GYPC: variants seen among roughly 807,000 people sequenced by gnomAD.
GYPC encodes the protein glycophorin C (Gerbich blood group).
GYPC carries 14 observed loss-of-function variants against 12.6 expected under a neutral mutation model. That is an observed-to-expected ratio of 1.11 (90% CI 0.74 to 1.74). The LOEUF (loss-of-function observed/expected upper bound fraction) is 1.74, where lower values mean the gene tolerates loss of function less well. Ranked by LOEUF, GYPC falls within the 40% of genes most tolerant of loss-of-function variation. The probability of loss-of-function intolerance (pLI) is 0.00; values close to 1 mark genes in which losing one functional copy is unlikely to be tolerated. For missense variants in GYPC, 225 were observed against 172.1 expected (o/e 1.31, Z -1.72); for synonymous variants, 78 against 62.1 (o/e 1.26, Z -1.20).
rs1416401119 is a variant in GYPC, at chr2:126,695,940, C to T, written c.191-6C>T. 6.2e-7 allele frequency: 1 copy of T among 1,613,212 alleles called. No individual in the cohort carries two copies. The highest frequency in any genetic ancestry group is 8.5e-7 in the Non-Finnish European group (1 of 1,179,300). ...GACTGACCCTTGCACCTCTTCCCAC[C>T]TGCAGGTGTGATTGCTGCTGTGGCC... On this transcript the variant is annotated splice_polypyrimidine_tract_variant and splice_region_variant and intron_variant, in intron 3 of 3. Transcript: ENST00000259254.
chr2:126,683,093 G>A (rs1264284557), intron 1 of GYPC, among the ~76,000 whole-genome samples: 5 of 152,180 alleles, frequency 3.3e-5, no homozygotes, highest in Admixed American at 6.5e-5. Flanking sequence ...CAAGGCGGGC[G>A]GATCATGTGA....
intron 3 of GYPC, 30 bp downstream of exon 3, chr2:126,693,977 A>C (rs1457418048): frequency 4.8e-6 from 7 of 1,452,832 alleles, no homozygotes; most frequent in Non-Finnish European, 5.8e-6. Flanking sequence ...CCCTTCAAGC[A>C]GCCAGGGTGG....
chr2:126,663,020 G>T (rs1057108399), intron 1 of GYPC, among the ~76,000 whole-genome samples: 19 of 152,114 alleles, frequency 1.2e-4, no homozygotes, highest in Non-Finnish European at 2.2e-4. Flanking sequence ...TCCCGATGCT[G>T]CTCCTTCATG....
chr2:126,660,249 C>T (rs747294243), intron 1 of GYPC, among the ~76,000 whole-genome samples: 41 of 152,366 alleles, frequency 2.7e-4, no homozygotes, highest in Middle Eastern at 3.4e-3. Context: ...TGTCCCACCC[C>T]AGTCCACCGT....
chr2:126,672,906 G>T (rs1175134499), intron 1 of GYPC, among the ~76,000 whole-genome samples: 2 of 152,132 alleles, frequency 1.3e-5, no homozygotes, highest in Non-Finnish European at 2.9e-5. Context: ...CAGAGAGGCA[G>T]AGAGAACAGC....
At chr2:126,688,245 C>T (rs569124540) in intron 1 of GYPC, among the ~76,000 whole-genome samples, 22 of 152,318 alleles carry the variant, frequency 1.4e-4, no homozygotes, top group African/African-American at 5.1e-4. Flanking sequence ...CTGGTCTTTA[C>T]CTGGAAAATT....
chr2:126,693,990 G>A lies in GYPC; in HGVS notation c.190+43G>A, dbSNP rs373452825. The A allele has an allele frequency of 1.6e-4, 213 of 1,347,030 alleles. 1 individual carries two copies. The highest frequency in any genetic ancestry group is 7.4e-4 in the Admixed American group (44 of 59,620). 83.4% of individuals were successfully genotyped at this position (1,347,030 alleles called of 1,614,324 possible). ...AGCCCTTCAAGCAGCCAGGGTGGGG[G>A]GCCTTGGTGAAAACATCCAGGGGAG... On this transcript the variant is annotated intron_variant, in intron 3 of 3. Transcript: ENST00000259254.
chr2:126,671,369 A>C (rs575073071), intron 1 of GYPC, among the ~76,000 whole-genome samples: 1 of 152,358 alleles, frequency 6.6e-6, no homozygotes, highest in South Asian at 2.1e-4. Flanking sequence ...TGAGCCCGAC[A>C]GCCAGGGACA....
At chr2:126,659,780 C>CTTTTTTTTT (rs1203132482) in intron 1 of GYPC, among the ~76,000 whole-genome samples, 1 of 137,898 alleles carries the variant, frequency 7.3e-6, no homozygotes, top group African/African-American at 2.7e-5. Context: ...TCTTTCTTTT[C>CTTTTTTTTT]TTTTTTTTTT....
intron 1 of GYPC, among the ~76,000 whole-genome samples, chr2:126,677,179 G>C (rs535878107): frequency 6.6e-6 from 1 of 152,032 alleles, no homozygotes; most frequent in Admixed American, 6.5e-5. Flanking sequence ...AGTGTGAGAG[G>C]AATGTGCATG....
intron 1 of GYPC, among the ~76,000 whole-genome samples, chr2:126,684,658 T>C (rs999304736): frequency 6.6e-5 from 10 of 152,214 alleles, no homozygotes; most frequent in African/African-American, 2.4e-4. Context: ...GTGCTCCTGA[T>C]GGCAGGGACT....
intron 1 of GYPC, among the ~76,000 whole-genome samples, chr2:126,664,463 A>G (rs1682626306): frequency 6.6e-6 from 1 of 152,180 alleles, no homozygotes; most frequent in Non-Finnish European, 1.5e-5. Context: ...CTACATTGAA[A>G]GCTCAGCCAG....
At position 126,687,682 on chromosome 2, in the gene GYPC, G is replaced by C. The variant is rs1683329876; in HGVS notation, c.50-2573G>C. On this transcript the variant is annotated intron_variant, in intron 1 of 3. Coordinates refer to ENST00000259254, the MANE Select transcript of GYPC (RefSeq NM_002101.5). Reference sequence around the variant, plus strand: ...ACTTTCCTGCCCACCACGCTCCTCAGAGGGCATGAGCTTGGAGGGAGCCCA... The same window carrying C: ...ACTTTCCTGCCCACCACGCTCCTCACAGGGCATGAGCTTGGAGGGAGCCCA... 2.6e-5 allele frequency among the ~76,000 whole-genome samples: 4 copies of C among 152,244 alleles called. No individual in the cohort carries two copies. The South Asian group carries it at 8.3e-4, about 31-fold the overall frequency.
chr2:126,662,804 T>C (rs894531547), intron 1 of GYPC, among the ~76,000 whole-genome samples: 8 of 152,204 alleles, frequency 5.3e-5, no homozygotes, highest in Non-Finnish European at 1.0e-4. Flanking sequence ...GTGCCTGGTA[T>C]GTGCTCATAA....
At chr2:126,657,206 C>T (rs1196734311) in intron 1 of GYPC, among the ~76,000 whole-genome samples, 1 of 152,208 alleles carries the variant, frequency 6.6e-6, no homozygotes, top group Non-Finnish European at 1.5e-5. Context: ...CCCCTCACCC[C>T]GCCTGAGCTT....
At chr2:126,686,839 C>T (rs1021472034) in intron 1 of GYPC, among the ~76,000 whole-genome samples, 4 of 152,028 alleles carry the variant, frequency 2.6e-5, no homozygotes, top group Non-Finnish European at 4.4e-5. Flanking sequence ...CATGAACCCA[C>T]CCCCAAGGCT....
intron 1 of GYPC, among the ~76,000 whole-genome samples, chr2:126,677,492 A>AGTGTGT (rs70985425): frequency 1.3e-4 from 19 of 148,926 alleles, no homozygotes; most frequent in Admixed American, 3.3e-4. Context: ...TGTGAGTCTG[A>AGTGTGT]GTGTGTGTAT....
intron 1 of GYPC, among the ~76,000 whole-genome samples, chr2:126,663,162 C>G (rs968881488): frequency 1.6e-4 from 24 of 152,308 alleles, no homozygotes; most frequent in South Asian, 2.1e-4. Context: ...CTCAGCCTCC[C>G]GAGTTGCTGG....
chr2:126,663,297 A>C (rs1029982427), intron 1 of GYPC, among the ~76,000 whole-genome samples: 1 of 152,120 alleles, frequency 6.6e-6, no homozygotes, highest in Non-Finnish European at 1.5e-5. Flanking sequence ...TGGCCTCCCA[A>C]AGTGCTGGGA....
Sources: allele counts gnomAD v4.1 joint callset (sites outside exome capture counted in the v4.1 genomes callset), GRCh38; gene constraint gnomAD v4.1.1; transcripts MANE v1.5; gene names NCBI Gene and HGNC (gene_info 2026-07-23, HGNC 2026-07-21).